MMEL1: variants seen among roughly 807,000 people sequenced by gnomAD.
MMEL1 encodes membrane metallo-endopeptidase-like 1.
A neutral mutation model predicts 117.1 loss-of-function variants in MMEL1; 98 were observed. The observed-to-expected ratio is 0.84, with a 90% confidence interval of 0.71 to 0.99. The LOEUF (loss-of-function observed/expected upper bound fraction) is 0.99. MMEL1 is among the 50% of genes least tolerant of loss of function. The pLI is 0.00. For synonymous variants in MMEL1, 390 were observed against 415.1 expected, an observed-to-expected ratio of 0.94 and a Z score of 0.74; for missense variants, 1,014 against 1,049.1, an observed-to-expected ratio of 0.97 and a Z score of 0.46.
chr1:2,611,137 C>G, intron 4 of MMEL1, 144 bp downstream of exon 4: 1 of 762,868 alleles, frequency 1.3e-6, no homozygotes, highest in Admixed American at 2.7e-5. Flanking sequence ...CGCTCCACAG[C>G]GAGTCCGAGT....
At chr1:2,597,688 C>T (rs1299606077) in intron 13 of MMEL1, among the ~76,000 whole-genome samples, 1 of 152,208 alleles carries the variant, frequency 6.6e-6, no homozygotes, top group Non-Finnish European at 1.5e-5. Context: ...GGAGCAGCCA[C>T]AGTGACTACA....
At chr1:2,601,027 TAGAG>T (rs1309749146) in intron 11 of MMEL1, among the ~76,000 whole-genome samples, 10 of 152,272 alleles carry the variant, frequency 6.6e-5, no homozygotes, top group Admixed American at 5.9e-4. Flanking sequence ...CCCAAATTGA[TAGAG>T]AGATTCAAAG....
chr1:2,619,249 C>T (rs996102955), intron 2 of MMEL1, among the ~76,000 whole-genome samples: 3 of 152,180 alleles, frequency 2.0e-5, no homozygotes, highest in East Asian at 3.8e-4. Context: ...CCCAGGCAAA[C>T]AGTGGAGGTG....
At chr1:2,629,842 G>A (rs1407621661) in intron 1 of MMEL1, 1 of 213,438 alleles carries the variant, frequency 4.7e-6, no homozygotes, top group African/African-American at 2.3e-5. Context: ...GGCTGCTCAT[G>A]CTGGTTGTCT....
Position 2,593,865 on chromosome 1 carries a change from C to T in MMEL1, c.1816G>A (p.Gly606Ser), listed in dbSNP as rs1433264886. The change falls in exon 19 of 24, where the codon GGC (glycine) becomes AGC (serine). Residue 606 changes from glycine to serine, a missense_variant. Physicochemically the swap from Gly to Ser is moderately conservative, Grantham distance 56. Coordinates refer to ENST00000378412, the MANE Select transcript of MMEL1 (RefSeq NM_033467.4). ...KEQPQALNFG[G>S]IGMVIGHEIT... ...TCGTGCCCGATCACCATCCCAATGC[C>T]TCCAAAGTTCAAGGCCTGTGGCTGC... The T allele has an allele frequency of 8.7e-6, 14 of 1,612,798 alleles. No individual in the cohort carries two copies. Among genetic ancestry groups the T allele is most frequent in the Non-Finnish European group, 1.2e-5 (14 of 1,179,426 alleles).
In MMEL1 at chr1:2,612,090, T is replaced by A. The variant is rs1391356995; in HGVS notation, c.232+37A>T. 1 of 1,540,000 alleles carries A rather than the reference T, an allele frequency of 6.5e-7. No homozygotes were observed. Among genetic ancestry groups the A allele is most frequent in the Non-Finnish European group, 8.8e-7 (1 of 1,133,416 alleles). On this transcript the variant is annotated intron_variant, in intron 3 of 23. Transcript: ENST00000378412. The surrounding 1 kb of genome is among the most constrained non-coding windows in gnomAD (Gnocchi z 5.4). ...CCACCTTGGGAGGCCAGCGCCCACCTGCCTGGGGCTGTTTTGGAAGGGAAG... is the reference window on the plus strand; with the variant it reads ...CCACCTTGGGAGGCCAGCGCCCACCAGCCTGGGGCTGTTTTGGAAGGGAAG...
At chr1:2,626,645 A>G (rs146171852) in intron 2 of MMEL1, among the ~76,000 whole-genome samples, 69 of 152,400 alleles carry the variant, frequency 4.5e-4, no homozygotes, top group African/African-American at 1.5e-3. Context: ...GTTTTGGAGG[A>G]GTAGAATTCT....
intron 2 of MMEL1, among the ~76,000 whole-genome samples, chr1:2,615,849 A>G (rs980505502): frequency 6.6e-6 from 1 of 152,234 alleles, no homozygotes; most frequent in Non-Finnish European, 1.5e-5. Context: ...CTAGAGACTC[A>G]GAGAGCAATA....
Position 2,592,698 on chromosome 1 carries a change from C to T in MMEL1, c.2024G>A (p.Gly675Glu). The T allele has an allele frequency of 6.2e-7, 1 of 1,611,376 alleles. No homozygotes were observed. Among genetic ancestry groups the T allele is most frequent in the Non-Finnish European group, 8.5e-7 (1 of 1,179,000 alleles). The change falls in exon 21 of 24, where the codon GGG (glycine) becomes GAG (glutamate). Residue 675 changes from glycine to glutamate, a missense_variant. Coordinates refer to ENST00000378412, the MANE Select transcript of MMEL1 (RefSeq NM_033467.4). The stretch of plus-strand genomic sequence containing the variant: ...CCCTCCGTTGTCAGCAATGTTTTCC[C>T]CAAGGGTGTTGAATCCGTTCACCTG... ...EQNVNGFNTL[G>E]ENIADNGGVR... is the part of the protein sequence containing the mutation.
chr1:2,614,672 G>T (rs1645175880), intron 2 of MMEL1, among the ~76,000 whole-genome samples: 1 of 152,034 alleles, frequency 6.6e-6, no homozygotes, highest in African/African-American at 2.4e-5. Flanking sequence ...AGCTAGACTA[G>T]AAGCAACACC....
intron 7 of MMEL1, 149 bp downstream of exon 7, chr1:2,606,825 C>T (rs1029664118): frequency 4.0e-5 from 28 of 694,952 alleles, no homozygotes; most frequent in South Asian, 2.8e-4. Flanking sequence ...CCTGAGGTTG[C>T]CCCGGCTGGG....
chr1:2,592,936 A>T lies in MMEL1; in HGVS notation c.1898T>A (p.Met633Lys). ...GRNFDKNGNM[M>K]DWWSNFSTQH... Reference sequence around the variant, plus strand: ...GGTGGAGAAGTTACTCCACCAATCCATCATGTTGCCATTCTTGTCGAAGTT... The same window carrying T: ...GGTGGAGAAGTTACTCCACCAATCCTTCATGTTGCCATTCTTGTCGAAGTT... Residue 633 changes from methionine to lysine, a missense_variant, in exon 20 of 24, where the codon ATG (methionine) becomes AAG (lysine). Physicochemically the swap from Met to Lys is moderately conservative, Grantham distance 95. Transcript: ENST00000378412. The T allele has an allele frequency of 6.2e-7, 1 of 1,613,696 alleles. No homozygotes were observed. The highest frequency in any genetic ancestry group is 1.1e-5 in the South Asian group (1 of 91,078).
intron 8 of MMEL1, 59 bp from the exon 9 acceptor site, chr1:2,605,682 G>A: frequency 7.4e-7 from 1 of 1,344,478 alleles, no homozygotes; most frequent in Non-Finnish European, 1.1e-6. Flanking sequence ...CAGCCTGGCT[G>A]AGGCAGGCTG....
At position 2,611,186 on chromosome 1, in the gene MMEL1, T is replaced by C; in HGVS notation, c.292+95A>G. 4 of 1,270,024 alleles carry C rather than the reference T, an allele frequency of 3.1e-6. No homozygotes were observed. The South Asian group carries it at 4.0e-5, about 13-fold the overall frequency. 78.7% of individuals were successfully genotyped at this position (1,270,024 alleles called of 1,614,324 possible). A position where few individuals can be genotyped will look rare whatever the true frequency, so the allele number is the denominator to read the frequency against. On this transcript the variant is annotated intron_variant, in intron 4 of 23. Coordinates refer to ENST00000378412, the MANE Select transcript of MMEL1 (RefSeq NM_033467.4). ...CTCCACCGCCCGCCGTGTCTTGGAG[T>C]TGCTTCCCTGGGCCTTGGGCGGGGC...
intron 23 of MMEL1, 151 bp from the exon 24 acceptor site, chr1:2,591,240 C>G (rs1264989749): frequency 3.3e-6 from 2 of 607,982 alleles, no homozygotes; most frequent in Non-Finnish European, 2.9e-6. Flanking sequence ...AGATAAACCC[C>G]CATCTGACCA....
chr1:2,594,198 C>A, intron 18 of MMEL1, 187 bp downstream of exon 18: 1 of 804,084 alleles, frequency 1.2e-6, no homozygotes, highest in South Asian at 1.7e-5. Context: ...TGCCAAGTCC[C>A]TCCCGAAGCC....
intron 2 of MMEL1, among the ~76,000 whole-genome samples, chr1:2,619,486 C>T (rs572901900): frequency 2.6e-5 from 4 of 151,990 alleles, no homozygotes; most frequent in East Asian, 1.9e-4. Context: ...GGTGAAACCC[C>T]GTCTCTACTA....
chr1:2,590,896 C>A lies in MMEL1; in HGVS notation c.*94G>T. On this transcript the variant is annotated 3_prime_UTR_variant, in exon 24 of 24. Coordinates refer to ENST00000378412, the MANE Select transcript of MMEL1 (RefSeq NM_033467.4). ...GCAGGCTTGGCATGGTTGGCCGGGG[C>A]GGGACGTACACTGGGTCGCCGCTAG... 1 of 1,011,978 alleles carries A rather than the reference C, an allele frequency of 9.9e-7. No individual in the cohort carries two copies. The highest frequency in any genetic ancestry group is 2.6e-5 in the South Asian group (1 of 38,398). The allele number at this position is 1,011,978 out of a possible 1,614,324, so 62.7% of individuals were successfully genotyped here. A position where few individuals can be genotyped will look rare whatever the true frequency, so the allele number is the denominator to read the frequency against.
chr1:2,616,637 C>G (rs1048169901), intron 2 of MMEL1, among the ~76,000 whole-genome samples: 1 of 152,134 alleles, frequency 6.6e-6, no homozygotes, highest in Non-Finnish European at 1.5e-5. Flanking sequence ...AGAAGGGACA[C>G]GAAACCAGTG....
Sources: allele counts gnomAD v4.1 joint callset (sites outside exome capture counted in the v4.1 genomes callset), GRCh38; gene constraint gnomAD v4.1.1; non-coding constraint Gnocchi (gnomAD v3.1); transcripts MANE v1.5; gene names NCBI Gene and HGNC (gene_info 2026-07-23, HGNC 2026-07-21).